Variants in CUBN observed in about 807,000 individuals in gnomAD.
CUBN encodes cubilin, also known as 460 kDa receptor.
CUBN carries 282 observed loss-of-function variants against 405.3 expected under a neutral mutation model. The observed-to-expected ratio is 0.70, with a 90% CI of 0.63 to 0.77. CUBN has a LOEUF of 0.77. Among genes scored for constraint, CUBN ranks in the 30% least tolerant of loss-of-function variants. The probability of loss-of-function intolerance (pLI) is 0.00; values close to 1 mark genes in which losing one functional copy is unlikely to be tolerated. For synonymous variants in CUBN, 1,684 were observed against 1,617.0 expected (o/e 1.04, Z -0.99); for missense variants, 4,514 against 4,475.2 (o/e 1.01, Z -0.25).
In CUBN at chr10:17,041,544, T is replaced by A. The variant is rs1378438426; in HGVS notation, c.3830-324A>T. Among the ~76,000 whole-genome samples the A allele has an allele frequency of 5.3e-5, 8 of 152,128 alleles. 1 individual carries two copies. Among genetic ancestry groups the A allele is most frequent in the Non-Finnish European group, 1.2e-4 (8 of 68,008 alleles). On this transcript the variant is annotated intron_variant, in intron 26 of 66. Transcript: ENST00000377833. ...TCCCTTGAATTTGTGGAGAGCAGAA[T>A]AACTTGGTTATATTCAGGGATCAGT...
At chr10:17,077,728 T>G (rs567333260) in intron 17 of CUBN, among the ~76,000 whole-genome samples, 1 of 152,088 alleles carries the variant, frequency 6.6e-6, no homozygotes, top group Non-Finnish European at 1.5e-5. Context: ...TGGGCTAATC[T>G]GGGTGAGCAG....
intron 27 of CUBN, among the ~76,000 whole-genome samples, chr10:17,020,668 GTA>G (rs1475740348): frequency 6.6e-6 from 1 of 152,070 alleles, no homozygotes; most frequent in Non-Finnish European, 1.5e-5. Flanking sequence ...TTGTGCAGGT[GTA>G]TATATGTGTT....
chr10:16,948,752 A>G (rs1167590695), intron 34 of CUBN, 146 bp from the exon 35 acceptor site: 3 of 931,452 alleles, frequency 3.2e-6, no homozygotes, highest in Admixed American at 2.0e-5. Flanking sequence ...TTCAGGGTCA[A>G]TGTTTGAGAC....
intron 48 of CUBN, among the ~76,000 whole-genome samples, chr10:16,909,007 C>G (rs940602585): frequency 6.6e-6 from 1 of 151,478 alleles, no homozygotes; most frequent in South Asian, 2.1e-4. Flanking sequence ...CTCAGCCTCC[C>G]GAGTAGCTGG....
intron 22 of CUBN, among the ~76,000 whole-genome samples, chr10:17,053,577 G>C (rs1271429742): frequency 6.6e-6 from 1 of 151,902 alleles, no homozygotes; most frequent in Non-Finnish European, 1.5e-5. Context: ...AATACACGAA[G>C]GAAAGTGAAA....
intron 31 of CUBN, among the ~76,000 whole-genome samples, chr10:16,967,536 C>T (rs564190862): frequency 1.1e-4 from 17 of 152,180 alleles, no homozygotes; most frequent in Non-Finnish European, 1.6e-4. Flanking sequence ...ATAAGACACC[C>T]GCACCAGGAA....
At chr10:16,870,497 C>T (rs950813739) in intron 58 of CUBN, among the ~76,000 whole-genome samples, 2 of 152,226 alleles carry the variant, frequency 1.3e-5, no homozygotes, top group African/African-American at 4.8e-5. Context: ...TAGGGGCACA[C>T]TTTGAGGCTT....
chr10:17,122,828 C>T lies in CUBN; in HGVS notation c.560G>A (p.Gly187Glu), dbSNP rs780745316. The T allele has an allele frequency of 3.1e-6, 5 of 1,613,232 alleles. No individual in the cohort carries two copies. Among genetic ancestry groups the T allele is most frequent in the Non-Finnish European group, 3.4e-6 (4 of 1,179,630 alleles). ...TCCCATTGTATTAACACATGTGCCTCCATTCTGGCAGCTCAAGGGTGTTCC... is the reference window on the plus strand; with the variant it reads ...TCCCATTGTATTAACACATGTGCCTTCATTCTGGCAGCTCAAGGGTGTTCC... The part of the protein sequence containing the change: ...YSGTPLSCQN[G>E]GTCVNTMGSY... The change falls in exon 6 of 67, where the codon GGA (glycine) becomes GAA (glutamate). Residue 187 changes from glycine to glutamate, a missense_variant. Transcript: ENST00000377833.
intron 54 of CUBN, among the ~76,000 whole-genome samples, chr10:16,895,119 T>C (rs1841142588): frequency 6.6e-6 from 1 of 152,192 alleles, no homozygotes; most frequent in African/African-American, 2.4e-5. Context: ...GGCAGCTCAG[T>C]TCTCTCCAGC....
chr10:16,880,376 G>A lies in CUBN; in HGVS notation c.8906-3279C>T, dbSNP rs1840634329. Reference sequence around the variant, plus strand: ...GTGTCCAAACTGCAACTGAGTAAGAGTCAATGGTAGGAGCCAAAGATACTA... The same window carrying A: ...GTGTCCAAACTGCAACTGAGTAAGAATCAATGGTAGGAGCCAAAGATACTA... On this transcript the variant is annotated intron_variant, in intron 56 of 66. Transcript: ENST00000377833. Among the ~76,000 whole-genome samples the A allele has an allele frequency of 2.0e-5, 3 of 152,212 alleles. No individual in the cohort carries two copies. In the South Asian group the frequency reaches 6.2e-4, roughly 31 times the overall value.
At chr10:17,109,848 G>A (rs997979594) in intron 9 of CUBN, 113 bp from the exon 10 acceptor site, 20 of 770,684 alleles carry the variant, frequency 2.6e-5, no homozygotes, top group Middle Eastern at 3.4e-4. Flanking sequence ...CTCTATCATC[G>A]AAACAAAAAA....
At chr10:16,929,713 T>C (rs1337570027) in intron 40 of CUBN, among the ~76,000 whole-genome samples, 2 of 152,238 alleles carry the variant, frequency 1.3e-5, no homozygotes, top group South Asian at 2.1e-4. Context: ...TTTGCATTTA[T>C]AGTAAGTGCA....
intron 54 of CUBN, among the ~76,000 whole-genome samples, chr10:16,896,085 C>T (rs1207388888): frequency 6.6e-6 from 1 of 152,124 alleles, no homozygotes. Context: ...TACCACCATC[C>T]ACATCTGACC....
intron 22 of CUBN, among the ~76,000 whole-genome samples, chr10:17,061,089 A>C (rs74920437): frequency 0.038 from 5,731 of 152,064 alleles, 231 homozygotes; most frequent in South Asian, 0.22. Flanking sequence ...ACAACAAAAA[A>C]AACCCAAAAA....
chr10:16,888,077 T>A (rs987018154), intron 56 of CUBN, among the ~76,000 whole-genome samples: 1 of 152,006 alleles, frequency 6.6e-6, no homozygotes, highest in Non-Finnish European at 1.5e-5. Context: ...GCTGGTAGGG[T>A]ATGTGGGAGT....
intron 47 of CUBN, among the ~76,000 whole-genome samples, chr10:16,914,462 G>A (rs1179519510): frequency 6.6e-6 from 1 of 152,092 alleles, no homozygotes; most frequent in Non-Finnish European, 1.5e-5. Flanking sequence ...AGGAGCCTGA[G>A]GCAGAAGAAT....
chr10:17,103,046 T>C lies in CUBN; in HGVS notation c.1530+79A>G, dbSNP rs186936475. 39 of 836,238 alleles carry C rather than the reference T, an allele frequency of 4.7e-5. No homozygotes were observed. The East Asian group carries it at 1.0e-3, about 22-fold the overall frequency. The allele number at this position is 836,238 out of a possible 1,614,324, so 51.8% of individuals were successfully genotyped here. A position where few individuals can be genotyped will look rare whatever the true frequency, so the allele number is the denominator to read the frequency against. On this transcript the variant is annotated intron_variant, in intron 13 of 66. Transcript: ENST00000377833. ...AGTTGAATTATCATTGCATGTATTT[T>C]ATGTAATAAAATATACACATACTCC...
At chr10:16,928,902 C>T (rs546541088) in intron 40 of CUBN, among the ~76,000 whole-genome samples, 1 of 151,990 alleles carries the variant, frequency 6.6e-6, no homozygotes, top group South Asian at 2.1e-4. Context: ...AATCAGAGTA[C>T]CTGGGATTGG....
chr10:16,942,653 A>G (rs574179224), intron 36 of CUBN, among the ~76,000 whole-genome samples: 1 of 152,310 alleles, frequency 6.6e-6, no homozygotes, highest in Admixed American at 6.5e-5. Context: ...GTCCATCCCT[A>G]TAAAAAAGTT....
Sources: allele counts gnomAD v4.1 joint callset (sites outside exome capture counted in the v4.1 genomes callset), GRCh38; gene constraint gnomAD v4.1.1; transcripts MANE v1.5; gene names NCBI Gene and HGNC (gene_info 2026-07-23, HGNC 2026-07-21).